AGMO: variants seen among roughly 807,000 people sequenced by gnomAD.
AGMO encodes the protein glyceryl-ether monooxygenase.
Under a neutral mutation model 60.2 loss-of-function variants are expected in AGMO, and 75 were observed. That is an observed-to-expected ratio of 1.25 (90% CI 1.03 to 1.51). The LOEUF is 1.51. Among genes scored for constraint, AGMO ranks in the 40% most tolerant of loss-of-function variants. The probability of loss-of-function intolerance (pLI) is 0.00; values close to 1 mark genes in which losing one functional copy is unlikely to be tolerated. For synonymous variants in AGMO, 261 were observed against 177.1 expected (o/e 1.47, Z -3.76); for missense variants, 763 against 525.5 (o/e 1.45, Z -4.42).
At chr7:15,408,099 A>G (rs1784752645) in intron 5 of AGMO, among the ~76,000 whole-genome samples, 1 of 151,888 alleles carries the variant, frequency 6.6e-6, no homozygotes. Flanking sequence ...AGGTTATCAC[A>G]GAGAGAACAT....
chr7:15,432,379 T>TATAC (rs373845365), intron 3 of AGMO, among the ~76,000 whole-genome samples: 43,777 of 136,078 alleles, frequency 0.32, 8,047 homozygotes, highest in Middle Eastern at 0.4. Flanking sequence ...CATATATATA[T>TATAC]ACACTATCTG....
chr7:15,140,489 T>A, the AGMO span, among the ~76,000 whole-genome samples: 1 of 152,210 alleles, frequency 6.6e-6, no homozygotes, highest in East Asian at 1.9e-4. Flanking sequence ...TCATTTTATT[T>A]ATTCTGTCTT....
chr7:15,240,367 T>A (rs550979121), intron 12 of AGMO, among the ~76,000 whole-genome samples: 5 of 152,230 alleles, frequency 3.3e-5, no homozygotes, highest in Non-Finnish European at 7.3e-5. Flanking sequence ...TTTTATGTGC[T>A]AATTCTTAGT....
At chr7:15,153,044 TA>T in the AGMO span, among the ~76,000 whole-genome samples, 40 of 152,250 alleles carry the variant, frequency 2.6e-4, no homozygotes, top group Middle Eastern at 3.4e-3. Context: ...AGGAGTGAGG[TA>T]GTATCATGTT....
At chr7:15,377,511 T>A (rs1020078526) in intron 10 of AGMO, among the ~76,000 whole-genome samples, 8 of 152,074 alleles carry the variant, frequency 5.3e-5, no homozygotes, top group African/African-American at 1.9e-4. Context: ...CAAATGTTAA[T>A]GGCCACTATT....
intron 12 of AGMO, among the ~76,000 whole-genome samples, chr7:15,256,834 C>G (rs1277059163): frequency 2.6e-5 from 4 of 152,106 alleles, no homozygotes; most frequent in African/African-American, 9.7e-5. Flanking sequence ...ACTGTACACT[C>G]TATGATGTTC....
chr7:15,486,993 C>G (rs774316002), intron 3 of AGMO, among the ~76,000 whole-genome samples: 7 of 152,176 alleles, frequency 4.6e-5, no homozygotes, highest in Admixed American at 2.0e-4. Context: ...CTTCATCCCT[C>G]TCACCATCTC....
intron 3 of AGMO, among the ~76,000 whole-genome samples, chr7:15,477,310 T>A (rs1396380530): frequency 6.6e-6 from 1 of 152,080 alleles, no homozygotes; most frequent in African/African-American, 2.4e-5. Context: ...CTGAAACAGT[T>A]AACTAAAATG....
intron 3 of AGMO, among the ~76,000 whole-genome samples, chr7:15,495,717 G>C (rs1393017387): frequency 6.6e-6 from 1 of 152,030 alleles, no homozygotes. Context: ...CAAGGTTCTA[G>C]CAGATTTGGT....
intron 12 of AGMO, among the ~76,000 whole-genome samples, chr7:15,226,719 C>A: frequency 6.6e-6 from 1 of 152,054 alleles, no homozygotes; most frequent in East Asian, 1.9e-4. Context: ...TTTTGGCACC[C>A]AACAGTACAT....
At chr7:15,374,520 C>G (rs1432252590) in intron 10 of AGMO, among the ~76,000 whole-genome samples, 1 of 152,024 alleles carries the variant, frequency 6.6e-6, no homozygotes, top group African/African-American at 2.4e-5. Context: ...ATATTTGACA[C>G]TATGGTTCTA....
chr7:15,261,694 C>T (rs1054143881), intron 12 of AGMO, among the ~76,000 whole-genome samples: 1 of 151,028 alleles, frequency 6.6e-6, no homozygotes, highest in African/African-American at 2.4e-5. Flanking sequence ...AAGGACATAA[C>T]AAAAAAAAGA....
At chr7:15,503,512 A>T (rs1783439508) in intron 3 of AGMO, among the ~76,000 whole-genome samples, 1 of 152,068 alleles carries the variant, frequency 6.6e-6, no homozygotes. Context: ...TTTATGTAGC[A>T]GAAGAAAAAC....
chr7:15,381,114 C>A (rs545252621), intron 10 of AGMO, among the ~76,000 whole-genome samples: 6 of 152,120 alleles, frequency 3.9e-5, no homozygotes, highest in Non-Finnish European at 8.8e-5. Flanking sequence ...AGGACACAGA[C>A]AAAAACAAAG....
intron 3 of AGMO, among the ~76,000 whole-genome samples, chr7:15,531,358 C>A (rs371120361): frequency 7.1e-5 from 1 of 14,018 alleles, no homozygotes; most frequent in Non-Finnish European, 1.3e-4. Flanking sequence ...TATATATATT[C>A]TATATATATA....
chr7:15,343,299 CT>C (rs899165633), intron 12 of AGMO, among the ~76,000 whole-genome samples: 8 of 152,040 alleles, frequency 5.3e-5, no homozygotes, highest in Admixed American at 1.3e-4. Context: ...TCTATTCACC[CT>C]TATTTTAACT....
At chr7:15,118,985 T>TG in the AGMO span, among the ~76,000 whole-genome samples, 1 of 109,398 alleles carries the variant, frequency 9.1e-6, no homozygotes, top group Non-Finnish European at 2.0e-5. Context: ...ATTAAGCTAT[T>TG]GGGGTTTTTT....
chr7:15,307,246 G>T (rs1458694489), intron 12 of AGMO, among the ~76,000 whole-genome samples: 1 of 151,794 alleles, frequency 6.6e-6, no homozygotes, highest in East Asian at 1.9e-4. Flanking sequence ...ATAAAACGTG[G>T]GAATCCTTGT....
chr7:15,492,358 G>GAAAA (rs67387904), intron 3 of AGMO, among the ~76,000 whole-genome samples: 1 of 116,718 alleles, frequency 8.6e-6, no homozygotes, highest in African/African-American at 3.2e-5. Flanking sequence ...GGCCCAATAC[G>GAAAA]AAAAAAAAAA....
Sources: allele counts gnomAD v4.1 joint callset (sites outside exome capture counted in the v4.1 genomes callset), GRCh38; gene constraint gnomAD v4.1.1; transcripts MANE v1.5; gene names NCBI Gene and HGNC (gene_info 2026-07-23, HGNC 2026-07-21).